Variants in WDSUB1 observed in about 807,000 individuals in gnomAD.
WDSUB1 encodes the protein WD repeat, SAM and U-box domain-containing protein 1.
A neutral mutation model predicts 53.9 loss-of-function variants in WDSUB1; 49 were observed. That is an observed-to-expected ratio of 0.91 (90% CI 0.72 to 1.15). The LOEUF (loss-of-function observed/expected upper bound fraction) is 1.15. Ranked by LOEUF, WDSUB1 falls within the 50% of genes most tolerant of loss-of-function variation. The pLI, the probability that WDSUB1 is intolerant of heterozygous loss-of-function variation, is 0.00. For synonymous variants in WDSUB1, 194 were observed against 200.6 expected (o/e 0.97, Z 0.28); for missense variants, 514 against 562.0 (o/e 0.91, Z 0.86).
chr2:159,254,550 G>C (rs941633753), intron 9 of WDSUB1, among the ~76,000 whole-genome samples: 1 of 151,844 alleles, frequency 6.6e-6, no homozygotes, highest in African/African-American at 2.4e-5. Flanking sequence ...AACAGAGGGA[G>C]ACCCTGTCTC....
chr2:159,258,094 T>C, intron 6 of WDSUB1, 109 bp from the exon 7 acceptor site: 1 of 899,406 alleles, frequency 1.1e-6, no homozygotes, highest in Non-Finnish European at 1.8e-6. Context: ...TATTAATATT[T>C]ATTAGTAACT....
Position 159,248,453 on chromosome 2 carries a change from T to A in WDSUB1, c.1192A>T (p.Lys398Ter). ...RKIEELRTKV[K>*]SLSSGIPDEF... is the part of the protein sequence containing the mutation. The stretch of plus-strand genomic sequence containing the variant: ...TCAGGAATTCCTGAAGAAAGGGATT[T>A]AACCTTGGTCCTGAGCTCTTCAATT... The change falls in exon 10 of 11, where the codon AAA (lysine) becomes TAA (stop). Residue 398 changes from lysine (K) to a stop codon, truncating the protein, a stop_gained. Transcript: ENST00000359774. LOFTEE classifies it high-confidence loss of function. 1 of 1,603,772 alleles carries A rather than the reference T, an allele frequency of 6.2e-7. No individual in the cohort carries two copies. The highest frequency in any genetic ancestry group is 1.1e-5 in the South Asian group (1 of 88,746).
chr2:159,253,329 T>C (rs1396956083), intron 9 of WDSUB1, among the ~76,000 whole-genome samples: 1 of 152,222 alleles, frequency 6.6e-6, no homozygotes, highest in Non-Finnish European at 1.5e-5. Flanking sequence ...TAAGGAATTA[T>C]TTCCTAACTA....
intron 1 of WDSUB1, chr2:159,286,286 C>T (rs1400984867): frequency 6.5e-6 from 1 of 152,690 alleles, no homozygotes; most frequent in Non-Finnish European, 1.5e-5. Flanking sequence ...ATGTGCCCCC[C>T]TCTATGAGCG....
intron 3 of WDSUB1, 95 bp downstream of exon 3, chr2:159,279,666 A>AT: frequency 8.7e-7 from 1 of 1,152,106 alleles, no homozygotes; most frequent in Non-Finnish European, 1.2e-6. Context: ...CACTCTACTA[A>AT]TGATAACATA....
intron 4 of WDSUB1, among the ~76,000 whole-genome samples, chr2:159,274,393 T>C (rs1241004315): frequency 6.6e-6 from 1 of 151,628 alleles, no homozygotes; most frequent in Non-Finnish European, 1.5e-5. Flanking sequence ...ATGGAGAGGG[T>C]AGGAAGAAAA....
chr2:159,247,408 C>T (rs1454512100), intron 10 of WDSUB1, among the ~76,000 whole-genome samples: 1 of 152,100 alleles, frequency 6.6e-6, no homozygotes, highest in East Asian at 1.9e-4. Flanking sequence ...AATTCATTGC[C>T]TCCCTAGCCA....
chr2:159,257,538 C>T (rs1288819553), intron 8 of WDSUB1, among the ~76,000 whole-genome samples: 1 of 152,020 alleles, frequency 6.6e-6, no homozygotes, highest in Non-Finnish European at 1.5e-5. Flanking sequence ...AAGCATGCAC[C>T]ATCATGCTGA....
chr2:159,279,244 T>TA (rs1366616194), intron 3 of WDSUB1, among the ~76,000 whole-genome samples: 1 of 152,212 alleles, frequency 6.6e-6, no homozygotes, highest in Non-Finnish European at 1.5e-5. Flanking sequence ...TGTACCTATT[T>TA]AAAACCAAGA....
intron 4 of WDSUB1, among the ~76,000 whole-genome samples, chr2:159,275,290 C>T (rs2061517699): frequency 6.6e-6 from 1 of 151,982 alleles, no homozygotes; most frequent in Non-Finnish European, 1.5e-5. Context: ...CTGTGAAAAC[C>T]ACAAAGGAGT....
chr2:159,259,698 T>C, intron 6 of WDSUB1, 112 bp downstream of exon 6: 1 of 1,149,644 alleles, frequency 8.7e-7, no homozygotes, highest in Admixed American at 3.2e-5. Flanking sequence ...TTTATGTTCT[T>C]AGTCATACTA....
chr2:159,253,647 C>A (rs1203350517), intron 9 of WDSUB1, among the ~76,000 whole-genome samples: 1 of 152,194 alleles, frequency 6.6e-6, no homozygotes, highest in Non-Finnish European at 1.5e-5. Flanking sequence ...GACATGGCAG[C>A]TGTTTTAAAC....
At chr2:159,283,555 C>T (rs1337841912) in intron 1 of WDSUB1, among the ~76,000 whole-genome samples, 2 of 133,808 alleles carry the variant, frequency 1.5e-5, no homozygotes, top group East Asian at 2.0e-4. Context: ...GGTGACAGAG[C>T]GAAACTCCAT....
At chr2:159,264,605 G>C (rs2061298158) in intron 5 of WDSUB1, among the ~76,000 whole-genome samples, 1 of 152,156 alleles carries the variant, frequency 6.6e-6, no homozygotes. Flanking sequence ...AATAACTGGA[G>C]AGTGTGGGGC....
chr2:159,250,094 A>AAAAAG (rs2060916688), intron 9 of WDSUB1, among the ~76,000 whole-genome samples: 1 of 127,420 alleles, frequency 7.8e-6, no homozygotes, highest in African/African-American at 4.0e-5. Context: ...GCCTCAAAAA[A>AAAAAG]AAAAAAAAAA....
chr2:159,257,489 C>T (rs6746645), intron 8 of WDSUB1, among the ~76,000 whole-genome samples: 39,640 of 151,210 alleles, frequency 0.26, 6,734 homozygotes, highest in Admixed American at 0.46. Flanking sequence ...CAGGTTCAAG[C>T]GATTCTCCTG....
chr2:159,282,081 T>C (rs2061676213), intron 2 of WDSUB1, among the ~76,000 whole-genome samples: 1 of 151,424 alleles, frequency 6.6e-6, no homozygotes, highest in Non-Finnish European at 1.5e-5. Flanking sequence ...AAAAAAACCA[T>C]AAAAGTCTAA....
At chr2:159,238,993 G>C (rs1357117985) in intron 10 of WDSUB1, among the ~76,000 whole-genome samples, 1 of 151,922 alleles carries the variant, frequency 6.6e-6, no homozygotes, top group Non-Finnish European at 1.5e-5. Flanking sequence ...CTTAAGTTTG[G>C]GGTTTTGGTG....
chr2:159,237,382 A>G (rs1202959987), intron 10 of WDSUB1, among the ~76,000 whole-genome samples: 1 of 152,070 alleles, frequency 6.6e-6, no homozygotes, highest in Non-Finnish European at 1.5e-5. Flanking sequence ...TTAGCTGGGC[A>G]TGGTGGCAGG....
Sources: allele counts gnomAD v4.1 joint callset (sites outside exome capture counted in the v4.1 genomes callset), GRCh38; gene constraint gnomAD v4.1.1; transcripts MANE v1.5; gene names NCBI Gene and HGNC (gene_info 2026-07-23, HGNC 2026-07-21).